Variants in DYNLT5 observed in about 807,000 individuals in gnomAD.
DYNLT5 encodes the protein dynein light chain Tctex-type 5.
In DYNLT5, 25 loss-of-function variants were observed where a neutral mutation model predicts 19.3. The observed-to-expected ratio is 1.30, with a 90% confidence interval of 0.95 to 1.81. DYNLT5 has a LOEUF of 1.81. DYNLT5 is among the 40% of genes most tolerant of loss of function. The probability of loss-of-function intolerance (pLI) is 0.00; values close to 1 mark genes in which losing one functional copy is unlikely to be tolerated. For synonymous variants in DYNLT5, 82 were observed against 68.9 expected (o/e 1.19, Z -0.94); for missense variants, 232 against 217.9 (o/e 1.06, Z -0.41).
At chr1:66,758,653 G>A (rs2094640618) in intron 2 of DYNLT5, among the ~76,000 whole-genome samples, 2 of 152,216 alleles carry the variant, frequency 1.3e-5, no homozygotes, top group Non-Finnish European at 2.9e-5. Context: ...CACATATTAG[G>A]CATATAAAGG....
intron 2 of DYNLT5, among the ~76,000 whole-genome samples, chr1:66,770,092 C>T (rs185085225): frequency 1.1e-3 from 162 of 152,214 alleles, no homozygotes; most frequent in African/African-American, 3.3e-3. Flanking sequence ...TGTACTGTTA[C>T]CCCATACACA....
intron 2 of DYNLT5, among the ~76,000 whole-genome samples, chr1:66,761,073 T>C (rs1054315601): frequency 6.6e-6 from 1 of 152,242 alleles, no homozygotes; most frequent in Non-Finnish European, 1.5e-5. Context: ...AAAATTATCT[T>C]TTCTTTCCAT....
At chr1:66,770,033 A>C (rs1238198423) in intron 2 of DYNLT5, among the ~76,000 whole-genome samples, 3 of 151,952 alleles carry the variant, frequency 2.0e-5, no homozygotes, top group Non-Finnish European at 4.4e-5. Flanking sequence ...CTTTGAGGAG[A>C]GGCTTTATAT....
rs370521417 is a variant in DYNLT5 at position 66,777,315 on chromosome 1, T to C, written c.401T>C (p.Ile134Thr). The C allele has an allele frequency of 5.6e-6, 9 of 1,613,888 alleles. No homozygotes were observed. The Admixed American group carries it at 6.7e-5, about 12-fold the overall frequency. The change falls in exon 5 of 5, where the codon ATT (isoleucine) becomes ACT (threonine). Residue 134 changes from isoleucine (I) to threonine (T), a missense_variant. Ile to Thr is a moderately conservative substitution (Grantham distance 89, BLOSUM62 -1). Transcript: ENST00000282670. ...PRYKLIVIVH[I>T]GQLNRQSILI... ...TATAAACTAATTGTGATTGTTCACATTGGACAACTGAACAGGCAGAGCATA... is the reference window on the plus strand; with the variant it reads ...TATAAACTAATTGTGATTGTTCACACTGGACAACTGAACAGGCAGAGCATA...
rs1233263765 is a variant in DYNLT5 at position 66,778,853 on chromosome 1, T to C, written c.*1399T>C. ...AGTGGGAATATGTCTATGTAATAAT[T>C]TATCACAACCAATATTTGTCAATCT... On this transcript the variant is annotated 3_prime_UTR_variant, in exon 5 of 5. Transcript: ENST00000282670. 6.6e-6 allele frequency: 1 copy of C among 152,216 alleles called. No homozygotes were observed. 9.4% of individuals were successfully genotyped at this position (152,216 alleles called of 1,614,324 possible). A position where few individuals can be genotyped will look rare whatever the true frequency, so the allele number is the denominator to read the frequency against.
In DYNLT5 at chr1:66,754,709, AAG is replaced by A; in HGVS notation, c.54_55del (p.Gly19GlufsTer7). 6.2e-7 allele frequency: 1 copy of A among 1,613,548 alleles called. No homozygotes were observed. Among genetic ancestry groups the A allele is most frequent in the South Asian group, 1.1e-5 (1 of 91,020 alleles). On this transcript the variant is annotated frameshift_variant, in exon 2 of 5. Coordinates refer to ENST00000282670, the MANE Select transcript of DYNLT5 (RefSeq NM_152665.3). LOFTEE classifies it high-confidence loss of function. ...GCAGAGCAGCTCATTCATGGAAGAA[AAG>A]AGGGAGTATTTCTTCTCTAAGTAAT... is the stretch of plus-strand genomic sequence containing the variant. ...KGRAAHSWKK[R>X]GSISSLSNHE...
In DYNLT5 at chr1:66,777,690, T is replaced by C. The variant is rs1354703255; in HGVS notation, c.*236T>C. On this transcript the variant is annotated 3_prime_UTR_variant, in exon 5 of 5. Transcript: ENST00000282670. ...TGATCTTGGTTTTGCTGGATTGCTT[T>C]CCATAGACATAGATTCTTATTAAAT... is the stretch of plus-strand genomic sequence containing the variant. 1 of 381,002 alleles carries C rather than the reference T, an allele frequency of 2.6e-6. No individual in the cohort carries two copies. Among genetic ancestry groups the C allele is most frequent in the Non-Finnish European group, 4.7e-6 (1 of 212,006 alleles). The allele number at this position is 381,002 out of a possible 1,614,324, so 23.6% of individuals were successfully genotyped here.
chr1:66,758,525 G>T lies in DYNLT5; in HGVS notation c.119+3748G>T, dbSNP rs78253343. 8.9e-3 allele frequency among the ~76,000 whole-genome samples: 1,350 copies of T among 152,238 alleles called. 21 individuals carry two copies. Among genetic ancestry groups the T allele is most frequent in the African/African-American group, 0.031 (1,288 of 41,546 alleles). Reference sequence around the variant, plus strand: ...TCATGTTACCAGAACTTTCTGTATGGATCCCACAGCTCCCCGTGTGAACCC... The same window carrying T: ...TCATGTTACCAGAACTTTCTGTATGTATCCCACAGCTCCCCGTGTGAACCC... On this transcript the variant is annotated intron_variant, in intron 2 of 4. Coordinates refer to ENST00000282670, the MANE Select transcript of DYNLT5 (RefSeq NM_152665.3).
chr1:66,758,884 C>A (rs1355618295), intron 2 of DYNLT5, among the ~76,000 whole-genome samples: 2 of 152,118 alleles, frequency 1.3e-5, no homozygotes, highest in Non-Finnish European at 2.9e-5. Context: ...GCTGCCAGAA[C>A]AATTTCTTCA....
At chr1:66,770,846 G>GA (rs61054482) in intron 3 of DYNLT5, 11,255 of 220,716 alleles carry the variant, frequency 0.051, no homozygotes, top group South Asian at 0.1. Flanking sequence ...TTAGGTGAAG[G>GA]AAAAAAAAAA....
At chr1:66,756,025 CT>C (rs991412656) in intron 2 of DYNLT5, among the ~76,000 whole-genome samples, 18 of 152,022 alleles carry the variant, frequency 1.2e-4, no homozygotes. Flanking sequence ...ATCTTTTCCC[CT>C]TCAAAACAAA....
chr1:66,765,697 G>A (rs924164263), intron 2 of DYNLT5, among the ~76,000 whole-genome samples: 8 of 149,570 alleles, frequency 5.3e-5, no homozygotes, highest in Admixed American at 1.3e-4. Context: ...GTGCAGTGGC[G>A]TGATCTCGGC....
chr1:66,766,526 C>G (rs1191902674), intron 2 of DYNLT5, among the ~76,000 whole-genome samples: 1 of 152,124 alleles, frequency 6.6e-6, no homozygotes, highest in South Asian at 2.1e-4. Flanking sequence ...TGGCAATTCC[C>G]CAATTTTAAA....
chr1:66,753,812 T>C (rs1023306683), intron 1 of DYNLT5, among the ~76,000 whole-genome samples: 1 of 151,482 alleles, frequency 6.6e-6, no homozygotes, highest in African/African-American at 2.4e-5. Context: ...TAGCTAGGCA[T>C]GGTGGTGCAG....
At chr1:66,764,317 T>C (rs2094650845) in intron 2 of DYNLT5, among the ~76,000 whole-genome samples, 1 of 152,238 alleles carries the variant, frequency 6.6e-6, no homozygotes, top group South Asian at 2.1e-4. Flanking sequence ...CACACTTGGT[T>C]ATTTCTAGCT....
At chr1:66,755,954 AT>A (rs1444902399) in intron 2 of DYNLT5, among the ~76,000 whole-genome samples, 3 of 152,144 alleles carry the variant, frequency 2.0e-5, no homozygotes, top group Non-Finnish European at 4.4e-5. Flanking sequence ...TACCCATGAT[AT>A]TTTTTTAAAT....
chr1:66,763,988 C>T (rs1191915867), intron 2 of DYNLT5, among the ~76,000 whole-genome samples: 3 of 151,978 alleles, frequency 2.0e-5, no homozygotes, highest in Non-Finnish European at 2.9e-5. Context: ...AGTTCGAGAC[C>T]AGCCTGGGCA....
intron 2 of DYNLT5, 25 bp from the exon 3 acceptor site, chr1:66,770,362 A>G (rs1271918635): frequency 1.4e-6 from 2 of 1,464,108 alleles, no homozygotes; most frequent in South Asian, 2.3e-5. Context: ...TAATGACTAA[A>G]ATTTGTTTTC....
At chr1:66,756,807 C>T (rs2094636759) in intron 2 of DYNLT5, among the ~76,000 whole-genome samples, 1 of 152,190 alleles carries the variant, frequency 6.6e-6, no homozygotes, top group East Asian at 1.9e-4. Flanking sequence ...GGGCATCATC[C>T]CCTCCAGCTA....
Sources: allele counts gnomAD v4.1 joint callset (sites outside exome capture counted in the v4.1 genomes callset), GRCh38; gene constraint gnomAD v4.1.1; transcripts MANE v1.5; gene names NCBI Gene and HGNC (gene_info 2026-07-23, HGNC 2026-07-21).